NFAT5: variants seen among roughly 807,000 people sequenced by gnomAD.
NFAT5 encodes nuclear factor of activated T cells 5.
NFAT5 carries 31 observed loss-of-function variants against 166.5 expected under a neutral mutation model. The ratio of observed to expected loss-of-function variants is 0.19; its 90% CI spans 0.14 to 0.25. The LOEUF (loss-of-function observed/expected upper bound fraction) is 0.25, where lower values mean the gene tolerates loss of function less well. NFAT5 is among the 10% of genes least tolerant of loss of function. NFAT5 has a pLI of 1.00. For missense variants in NFAT5, 1,449 were observed against 1,821.8 expected, an observed-to-expected ratio of 0.80 and a Z score of 3.72; for synonymous variants, 612 against 639.7, an observed-to-expected ratio of 0.96 and a Z score of 0.65.
intron 9 of NFAT5, 186 bp from the exon 10 acceptor site, chr16:69,677,017 T>G: frequency 1.8e-6 from 1 of 543,028 alleles, no homozygotes; most frequent in East Asian, 3.5e-5. Context: ...ATAAAACACT[T>G]GGATTTTACC....
chr16:69,584,484 A>G (rs1019077935), intron 2 of NFAT5, among the ~76,000 whole-genome samples: 1 of 152,048 alleles, frequency 6.6e-6, no homozygotes, highest in South Asian at 2.1e-4. Flanking sequence ...GCATGGCACC[A>G]CACCTGGCTA....
At chr16:69,688,216 A>AC (rs1456939543) in intron 11 of NFAT5, among the ~76,000 whole-genome samples, 2 of 147,230 alleles carry the variant, frequency 1.4e-5, no homozygotes, top group East Asian at 2.0e-4. Context: ...AAAAAAAAAA[A>AC]AAAAAAAAAA....
chr16:69,591,927 C>T (rs2032483394), intron 2 of NFAT5, among the ~76,000 whole-genome samples: 2 of 151,700 alleles, frequency 1.3e-5, no homozygotes, highest in African/African-American at 2.4e-5. Context: ...GAGACCCTGT[C>T]TTGATTTAAA....
At chr16:69,608,565 G>T (rs2033539779) in intron 2 of NFAT5, among the ~76,000 whole-genome samples, 1 of 151,516 alleles carries the variant, frequency 6.6e-6, no homozygotes, top group Non-Finnish European at 1.5e-5. Flanking sequence ...GTCCATCCTG[G>T]CTAACACGGT....
intron 4 of NFAT5, among the ~76,000 whole-genome samples, chr16:69,651,868 C>T (rs1274900496): frequency 2.0e-5 from 3 of 151,768 alleles, no homozygotes; most frequent in Non-Finnish European, 2.9e-5. Context: ...GACGGGGTTT[C>T]ACCATGTTGG....
chr16:69,660,228 C>A (rs894276244), intron 7 of NFAT5, among the ~76,000 whole-genome samples: 1 of 152,112 alleles, frequency 6.6e-6, no homozygotes, highest in Non-Finnish European at 1.5e-5. Flanking sequence ...TAAGACCAGC[C>A]TGGGCAATGT....
intron 2 of NFAT5, among the ~76,000 whole-genome samples, chr16:69,602,320 A>C (rs554052848): frequency 6.3e-4 from 90 of 143,642 alleles, no homozygotes; most frequent in South Asian, 1.5e-3. Context: ...CCCAGGCTGG[A>C]GTGCAAGGGT....
chr16:69,573,201 T>C (rs1292030765), intron 2 of NFAT5, among the ~76,000 whole-genome samples: 2 of 152,190 alleles, frequency 1.3e-5, no homozygotes, highest in Non-Finnish European at 2.9e-5. Context: ...AAATGTGAAA[T>C]ATGACAATGA....
chr16:69,656,739 G>A (rs745402094), intron 6 of NFAT5, among the ~76,000 whole-genome samples: 5 of 151,904 alleles, frequency 3.3e-5, no homozygotes, highest in African/African-American at 7.3e-5. Flanking sequence ...GGCATGAGCC[G>A]CTGCACCCAG....
At chr16:69,606,519 T>G (rs2033418443) in intron 2 of NFAT5, among the ~76,000 whole-genome samples, 1 of 152,172 alleles carries the variant, frequency 6.6e-6, no homozygotes, top group African/African-American at 2.4e-5. Context: ...AGAACACTTC[T>G]GCAGTCCAAG....
Position 69,666,400 on chromosome 16 carries a change from A to G in NFAT5, c.1370-3577A>G, listed in dbSNP as rs2036381248. Among the ~76,000 whole-genome samples the G allele has an allele frequency of 5.9e-5, 9 of 151,488 alleles. No individual in the cohort carries two copies. The South Asian group carries it at 1.9e-3, about 31-fold the overall frequency. ...GAACAGGCAACCTACAAAATGGGAG[A>G]AAATTTTCGCAACCTACTCATCTGA... On this transcript the variant is annotated intron_variant, in intron 7 of 14. Transcript: ENST00000349945.
rs369470846 is a variant in NFAT5, at chr16:69,597,900, G to A, written c.128-28503G>A. On this transcript the variant is annotated intron_variant, in intron 2 of 14. Transcript: ENST00000349945. ...GAGCCACCACGCCCAGCCGGACCTA[G>A]TGTGAATAGAGGGTAGATAACTAAG... Among the ~76,000 whole-genome samples, 8 of 152,116 alleles carry A rather than the reference G, an allele frequency of 5.3e-5. No individual in the cohort carries two copies. In the East Asian group the frequency reaches 1.6e-3, roughly 30 times the overall value.
intron 9 of NFAT5, among the ~76,000 whole-genome samples, chr16:69,672,362 C>T (rs2036657991): frequency 6.6e-6 from 1 of 152,184 alleles, no homozygotes; most frequent in Non-Finnish European, 1.5e-5. Context: ...AGACAAATGA[C>T]TTTTGTGCTC....
chr16:69,633,906 CATTAT>C (rs1385854668), intron 3 of NFAT5, among the ~76,000 whole-genome samples: 4 of 151,920 alleles, frequency 2.6e-5, no homozygotes, highest in African/African-American at 9.7e-5. Flanking sequence ...GATTTCTGTA[CATTAT>C]ATGTATCAGA....
chr16:69,655,384 A>C (rs892812932), intron 5 of NFAT5, among the ~76,000 whole-genome samples: 5 of 152,122 alleles, frequency 3.3e-5, no homozygotes, highest in Non-Finnish European at 5.9e-5. Flanking sequence ...TAACATCTAA[A>C]TTTATAATTT....
intron 2 of NFAT5, among the ~76,000 whole-genome samples, chr16:69,587,535 G>A (rs946926833): frequency 3.3e-5 from 5 of 151,322 alleles, no homozygotes; most frequent in Admixed American, 2.0e-4. Context: ...GACTACAGGC[G>A]CCGCCACTAT....
intron 2 of NFAT5, among the ~76,000 whole-genome samples, chr16:69,614,189 T>C (rs966823833): frequency 3.3e-5 from 5 of 151,904 alleles, no homozygotes; most frequent in Admixed American, 2.6e-4. Context: ...AAGGTCTTGC[T>C]CTGTCACCTA....
intron 2 of NFAT5, among the ~76,000 whole-genome samples, chr16:69,611,567 G>C (rs1389696221): frequency 6.6e-6 from 1 of 152,186 alleles, no homozygotes; most frequent in Non-Finnish European, 1.5e-5. Context: ...TGGAGTCTGG[G>C]GAGTCCAGGA....
rs140143590 is a variant in NFAT5 at position 69,692,958 on chromosome 16, A to G, written c.3133A>G (p.Thr1045Ala). 3.7e-6 allele frequency: 6 copies of G among 1,614,048 alleles called. No homozygotes were observed. In the African/African-American group the frequency reaches 6.7e-5, roughly 18 times the overall value. Residue 1045 changes from threonine to alanine, a missense_variant, in exon 13 of 15, where the codon ACA becomes GCA. Thr to Ala is a moderately conservative substitution (Grantham distance 58). Coordinates refer to ENST00000349945, the MANE Select transcript of NFAT5 (RefSeq NM_138713.4). ...ACCTCAAGTTAACCTTTTTTCATCC[A>G]CAAAAAGTATGATGAGTGTTCAGAA... ...NQPQVNLFSS[T>A]KSMMSVQNSG...
Sources: gnomAD v4.1 joint callset for allele counts (sites outside exome capture counted in the v4.1 genomes callset) on GRCh38, gnomAD v4.1.1 for gene constraint, MANE v1.5 for transcripts, NCBI Gene and HGNC (gene_info 2026-07-23, HGNC 2026-07-21) for gene names.